MYO16: variants seen among roughly 807,000 people sequenced by gnomAD.
MYO16 encodes unconventional myosin-XVI.
Under a neutral mutation model 205.3 loss-of-function variants are expected in MYO16, and 94 were observed. The observed-to-expected ratio is 0.46, with a 90% CI of 0.39 to 0.54. The LOEUF is 0.54. Ranked by LOEUF, MYO16 falls within the 20% of genes least tolerant of loss-of-function variation. MYO16 has a pLI of 0.00. For synonymous variants in MYO16, 988 were observed against 954.0 expected (o/e 1.04, Z -0.66); for missense variants, 2,315 against 2,387.5 (o/e 0.97, Z 0.63).
At chr13:109,135,788 CA>C (rs1474353642) in intron 31 of MYO16, among the ~76,000 whole-genome samples, 2 of 152,192 alleles carry the variant, frequency 1.3e-5, no homozygotes, top group Non-Finnish European at 2.9e-5. Context: ...CCTGATTAGT[CA>C]AAAGCCACAC....
chr13:108,760,454 T>C (rs1885568770), intron 4 of MYO16, among the ~76,000 whole-genome samples: 1 of 148,586 alleles, frequency 6.7e-6, no homozygotes, highest in African/African-American at 2.5e-5. Flanking sequence ...TGACAGTAAA[T>C]CCTTAATGAT....
At chr13:108,777,132 A>C (rs1039992435) in intron 4 of MYO16, among the ~76,000 whole-genome samples, 5 of 152,110 alleles carry the variant, frequency 3.3e-5, no homozygotes, top group African/African-American at 9.7e-5. Flanking sequence ...CTGGGGCATA[A>C]AACCCTTAAG....
At chr13:109,119,760 AT>A (rs1435991784) in intron 28 of MYO16, among the ~76,000 whole-genome samples, 1 of 152,202 alleles carries the variant, frequency 6.6e-6, no homozygotes, top group Non-Finnish European at 1.5e-5. Context: ...AAGTATGTTC[AT>A]CCCTACTACT....
chr13:108,769,918 G>C (rs1885906995), intron 4 of MYO16, among the ~76,000 whole-genome samples: 1 of 152,136 alleles, frequency 6.6e-6, no homozygotes. Flanking sequence ...TCTAGTGATG[G>C]AAACGCTTTA....
intron 10 of MYO16, among the ~76,000 whole-genome samples, chr13:108,847,515 G>T (rs947020562): frequency 1.5e-4 from 23 of 152,110 alleles, no homozygotes; most frequent in African/African-American, 5.6e-4. Flanking sequence ...ACTTTTCAAA[G>T]CCATAAAGCT....
At chr13:109,087,558 A>G (rs886408702) in intron 27 of MYO16, among the ~76,000 whole-genome samples, 2 of 152,212 alleles carry the variant, frequency 1.3e-5, no homozygotes, top group African/African-American at 4.8e-5. Flanking sequence ...AGGCAGGAGA[A>G]TCACCTGAAC....
intron 28 of MYO16, among the ~76,000 whole-genome samples, chr13:109,107,672 A>G (rs1274693575): frequency 2.6e-5 from 4 of 151,960 alleles, no homozygotes; most frequent in Admixed American, 2.6e-4. Context: ...CAAGCTAGAA[A>G]ATAGCCTATA....
At chr13:108,582,930 T>A in the MYO16 span, among the ~76,000 whole-genome samples, 1 of 152,170 alleles carries the variant, frequency 6.6e-6, no homozygotes, top group Non-Finnish European at 1.5e-5. Context: ...GAGTTATGAA[T>A]GGAAAATCAA....
At chr13:108,911,219 AAT>A (rs1491182057) in intron 16 of MYO16, among the ~76,000 whole-genome samples, 2 of 143,214 alleles carry the variant, frequency 1.4e-5, no homozygotes, top group East Asian at 7.1e-4. Context: ...CCTGCAAAAA[AAT>A]ATCTCCAGTT....
intron 27 of MYO16, among the ~76,000 whole-genome samples, chr13:109,064,608 A>G (rs908557261): frequency 8.5e-5 from 13 of 152,122 alleles, no homozygotes; most frequent in African/African-American, 3.1e-4. Flanking sequence ...CTTTGTTGTT[A>G]TTATTATTGT....
chr13:108,748,917 A>G (rs948076828), intron 4 of MYO16, among the ~76,000 whole-genome samples: 8 of 152,114 alleles, frequency 5.3e-5, no homozygotes, highest in Admixed American at 2.6e-4. Flanking sequence ...TGATTTGGTG[A>G]TAGGTTTTTA....
chr13:108,833,906 G>A (rs1448930996), intron 9 of MYO16, among the ~76,000 whole-genome samples: 7 of 151,654 alleles, frequency 4.6e-5, no homozygotes, highest in Non-Finnish European at 1.0e-4. Context: ...ATGTTTATGG[G>A]ATCTGTCTTA....
At chr13:109,017,503 T>C (rs1000797010) in intron 22 of MYO16, among the ~76,000 whole-genome samples, 3 of 152,192 alleles carry the variant, frequency 2.0e-5, no homozygotes, top group Non-Finnish European at 2.9e-5. Flanking sequence ...TGAATTTGAA[T>C]GTTGGCCTGC....
intron 16 of MYO16, among the ~76,000 whole-genome samples, chr13:108,950,266 A>C (rs1306801485): frequency 6.6e-6 from 1 of 152,220 alleles, no homozygotes; most frequent in Non-Finnish European, 1.5e-5. Flanking sequence ...GCTGGGAGAA[A>C]ATATTGCAAC....
chr13:108,871,616 G>A (rs1879070130), intron 12 of MYO16, among the ~76,000 whole-genome samples: 2 of 152,148 alleles, frequency 1.3e-5, no homozygotes, highest in South Asian at 2.1e-4. Flanking sequence ...CAGGTGGAAA[G>A]TTGGGCTGAT....
intron 16 of MYO16, among the ~76,000 whole-genome samples, chr13:108,924,770 G>C (rs1566414540): frequency 6.6e-6 from 1 of 152,158 alleles, no homozygotes; most frequent in Non-Finnish European, 1.5e-5. Context: ...ACTCACTCCT[G>C]ACGTCACGTC....
At chr13:109,061,358 C>T (rs1334814997) in intron 27 of MYO16, among the ~76,000 whole-genome samples, 8 of 152,142 alleles carry the variant, frequency 5.3e-5, no homozygotes, top group Admixed American at 1.3e-4. Flanking sequence ...GCTCTTGGCC[C>T]GTCTTGACTT....
chr13:108,913,657 A>G (rs530912632), intron 16 of MYO16, among the ~76,000 whole-genome samples: 6 of 152,326 alleles, frequency 3.9e-5, no homozygotes, highest in Non-Finnish European at 7.4e-5. Flanking sequence ...GGATATTGCT[A>G]TTTGTAAAAT....
chr13:108,550,707 A>G, the MYO16 span, among the ~76,000 whole-genome samples: 1 of 152,326 alleles, frequency 6.6e-6, no homozygotes, highest in South Asian at 2.1e-4. Context: ...ATTTTCTTAG[A>G]CCTACCAAAG....
Sources: gnomAD v4.1 joint callset for allele counts (sites outside exome capture counted in the v4.1 genomes callset) on GRCh38, gnomAD v4.1.1 for gene constraint, MANE v1.5 for transcripts, NCBI Gene and HGNC (gene_info 2026-07-23, HGNC 2026-07-21) for gene names.